MAGI2: variants seen among roughly 807,000 people sequenced by gnomAD.
MAGI2 encodes membrane associated guanylate kinase, WW and PDZ domain containing 2.
A neutral mutation model predicts 133.3 loss-of-function variants in MAGI2; 35 were observed. The ratio of observed to expected loss-of-function variants is 0.26; its 90% CI spans 0.20 to 0.35. MAGI2 has a LOEUF of 0.35. MAGI2 is among the 10% of genes least tolerant of loss of function. MAGI2 has a pLI of 1.00. For synonymous variants in MAGI2, 729 were observed against 710.6 expected (o/e 1.03, Z -0.41); for missense variants, 1,636 against 1,863.4 (o/e 0.88, Z 2.25).
intron 2 of MAGI2, among the ~76,000 whole-genome samples, chr7:78,840,526 T>C (rs978042162): frequency 6.6e-6 from 1 of 152,020 alleles, no homozygotes; most frequent in African/African-American, 2.4e-5. Flanking sequence ...GACCACACTT[T>C]ATGTGGAGTC....
intron 3 of MAGI2, among the ~76,000 whole-genome samples, chr7:78,576,571 CT>C (rs1189661495): frequency 6.8e-6 from 1 of 147,386 alleles, no homozygotes; most frequent in Non-Finnish European, 1.5e-5. Context: ...CCTACTTTTC[CT>C]GAAAGTCCAT....
chr7:78,526,873 T>G (rs975896406), intron 3 of MAGI2, among the ~76,000 whole-genome samples: 8 of 151,318 alleles, frequency 5.3e-5, no homozygotes, highest in African/African-American at 1.9e-4. Context: ...GTGGGCATGG[T>G]GGCATGTGCC....
intron 6 of MAGI2, among the ~76,000 whole-genome samples, chr7:78,416,813 C>T (rs6947316): frequency 0.58 from 87,586 of 151,998 alleles, 25,529 homozygotes; most frequent in East Asian, 0.71. Flanking sequence ...CAGTATATGT[C>T]CCTTTTCCCC....
chr7:78,471,584 G>A (rs189551064), intron 6 of MAGI2, among the ~76,000 whole-genome samples: 57 of 152,006 alleles, frequency 3.7e-4, no homozygotes, highest in Admixed American at 2.9e-3. Flanking sequence ...CTTCCATATC[G>A]GAGTCTAAAG....
At chr7:78,029,397 A>G (rs575406492) in intron 21 of MAGI2, among the ~76,000 whole-genome samples, 2 of 152,370 alleles carry the variant, frequency 1.3e-5, no homozygotes, top group South Asian at 4.1e-4. Flanking sequence ...TGATGCTTGG[A>G]GACCTTCTTC....
chr7:78,298,653 C>T (rs765631279), intron 9 of MAGI2, among the ~76,000 whole-genome samples: 12 of 151,818 alleles, frequency 7.9e-5, no homozygotes, highest in Admixed American at 3.9e-4. Context: ...ACAGGAACTG[C>T]CACCACCCTT....
At chr7:78,275,643 A>G (rs1176755746) in intron 9 of MAGI2, among the ~76,000 whole-genome samples, 1 of 152,236 alleles carries the variant, frequency 6.6e-6, no homozygotes, top group East Asian at 1.9e-4. Flanking sequence ...TAATATGTAC[A>G]ATAAAGAAAA....
In MAGI2 at chr7:79,028,915, T is replaced by A. The variant is rs113785719; in HGVS notation, c.302-21709A>T. On this transcript the variant is annotated intron_variant, in intron 1 of 21. Transcript: ENST00000354212. ...TCTCATTTGAATGAAATTTTTACTG[T>A]CTTTTGATAAATAATCAACTTTATA... is the stretch of plus-strand genomic sequence containing the variant. Among the ~76,000 whole-genome samples the A allele has an allele frequency of 2.6e-3, 400 of 152,324 alleles. 1 individual carries two copies. The highest frequency in any genetic ancestry group is 8.2e-3 in the African/African-American group (341 of 41,576).
intron 20 of MAGI2, among the ~76,000 whole-genome samples, chr7:78,116,505 G>T (rs1819884213): frequency 6.6e-6 from 1 of 152,138 alleles, no homozygotes; most frequent in Non-Finnish European, 1.5e-5. Context: ...ACAATCTTTG[G>T]CATGATTAAT....
intron 1 of MAGI2, among the ~76,000 whole-genome samples, chr7:79,098,965 G>A (rs952748303): frequency 2.6e-5 from 4 of 152,072 alleles, no homozygotes; most frequent in Non-Finnish European, 4.4e-5. Flanking sequence ...CACATTTTCA[G>A]TATAAAATGT....
At chr7:79,246,507 C>T (rs1327376377) in intron 1 of MAGI2, among the ~76,000 whole-genome samples, 2 of 152,078 alleles carry the variant, frequency 1.3e-5, no homozygotes, top group African/African-American at 4.8e-5. Context: ...ATGCAATAGA[C>T]ATACTGAACA....
chr7:79,155,182 G>T (rs933342200), intron 1 of MAGI2, among the ~76,000 whole-genome samples: 2 of 152,132 alleles, frequency 1.3e-5, no homozygotes, highest in African/African-American at 4.8e-5. Flanking sequence ...CAGTGGCTTT[G>T]TTCTATGCTT....
At chr7:78,597,103 A>G (rs899923094) in intron 3 of MAGI2, among the ~76,000 whole-genome samples, 2 of 152,214 alleles carry the variant, frequency 1.3e-5, no homozygotes, top group East Asian at 1.9e-4. Flanking sequence ...TTCTTTAAGT[A>G]GGAATTGTTC....
intron 1 of MAGI2, among the ~76,000 whole-genome samples, chr7:79,277,964 C>G (rs1259636317): frequency 6.6e-6 from 1 of 152,118 alleles, no homozygotes; most frequent in African/African-American, 2.4e-5. Flanking sequence ...ATCATATTGA[C>G]CAACCTCCCC....
chr7:78,234,827 T>C (rs920287549), intron 10 of MAGI2, among the ~76,000 whole-genome samples: 5 of 152,148 alleles, frequency 3.3e-5, no homozygotes, highest in African/African-American at 9.7e-5. Context: ...TACATAACTT[T>C]AATTGCACCC....
At chr7:79,080,808 A>G (rs1815970627) in intron 1 of MAGI2, among the ~76,000 whole-genome samples, 1 of 152,106 alleles carries the variant, frequency 6.6e-6, no homozygotes. Context: ...AAATCTGTCA[A>G]CTGCTCTCTA....
intron 2 of MAGI2, among the ~76,000 whole-genome samples, chr7:78,830,583 T>C (rs1296902398): frequency 6.6e-6 from 1 of 152,200 alleles, no homozygotes; most frequent in African/African-American, 2.4e-5. Context: ...TAAAATAATA[T>C]GTATTTTAGT....
chr7:79,050,817 C>A (rs1241966518), intron 1 of MAGI2, among the ~76,000 whole-genome samples: 1 of 152,222 alleles, frequency 6.6e-6, no homozygotes, highest in Non-Finnish European at 1.5e-5. Flanking sequence ...CTCTGAATTC[C>A]TGCTTTTATT....
In MAGI2 at chr7:78,019,986, G is replaced by A. The variant is rs769323415; in HGVS notation, c.3707-10C>T. ...CAGGGGGCGGGTTCGTCTGTGGACG[G>A]GAAGCACAGGCGTTAGCAGTGGCGC... On this transcript the variant is annotated splice_polypyrimidine_tract_variant and intron_variant, in intron 21 of 21. Transcript: ENST00000354212. 1.1e-5 allele frequency: 17 copies of A among 1,597,554 alleles called. No individual in the cohort carries two copies. The African/African-American group carries it at 1.9e-4, about 18-fold the overall frequency.
Sources: allele counts gnomAD v4.1 joint callset (sites outside exome capture counted in the v4.1 genomes callset), GRCh38; gene constraint gnomAD v4.1.1; transcripts MANE v1.5; gene names NCBI Gene and HGNC (gene_info 2026-07-23, HGNC 2026-07-21).